ATP1B1: variants seen among roughly 807,000 people sequenced by gnomAD.
ATP1B1 encodes sodium/potassium-transporting ATPase subunit beta-1.
In ATP1B1, 3 loss-of-function variants were observed where a neutral mutation model predicts 39.6. The observed-to-expected ratio is 0.08, with a 90% CI of 0.03 to 0.20. ATP1B1 has a LOEUF of 0.20. ATP1B1 is among the 10% of genes least tolerant of loss of function. The pLI is 1.00. For missense variants in ATP1B1, 216 were observed against 371.1 expected, an observed-to-expected ratio of 0.58 and a Z score of 3.43; for synonymous variants, 139 against 135.0, an observed-to-expected ratio of 1.03 and a Z score of -0.20.
rs1657597314 is a variant in ATP1B1 at position 169,106,695 on chromosome 1, G to A, written c.-135G>A. Reference sequence around the variant, plus strand: ...TCCTCCGCCGCGCGTCTCGCACTCCGAGAGCCGCAGCGGCAGCGGCGCGTC... The same window carrying A: ...TCCTCCGCCGCGCGTCTCGCACTCCAAGAGCCGCAGCGGCAGCGGCGCGTC... On this transcript the variant is annotated 5_prime_UTR_variant, in exon 1 of 6. Coordinates refer to ENST00000367815, the MANE Select transcript of ATP1B1 (RefSeq NM_001677.4). The A allele has an allele frequency of 3.7e-6, 2 of 536,352 alleles. No homozygotes were observed. The highest frequency in any genetic ancestry group is 5.9e-6 in the Non-Finnish European group (2 of 340,746). 33.2% of individuals were successfully genotyped at this position (536,352 alleles called of 1,614,324 possible).
Position 169,132,140 on chromosome 1 carries a change from TCCTGGGGGC to T in ATP1B1, c.*586_*594del. ...TGTTAGGTCTTTATTTTTATTTTTT[TCCTGGGGGC>T]TGGGGTGGGGGTTTGTCATGGGGGA... On this transcript the variant is annotated 3_prime_UTR_variant, in exon 6 of 6. Coordinates refer to ENST00000367815, the MANE Select transcript of ATP1B1 (RefSeq NM_001677.4). 1.7e-6 allele frequency: 1 copy of T among 581,404 alleles called. No individual in the cohort carries two copies. The allele number at this position is 581,404 out of a possible 1,614,324, so 36.0% of individuals were successfully genotyped here. A position where few individuals can be genotyped will look rare whatever the true frequency, so the allele number is the denominator to read the frequency against.
chr1:169,116,189 A>G (rs910687293), intron 2 of ATP1B1, among the ~76,000 whole-genome samples: 2 of 152,224 alleles, frequency 1.3e-5, no homozygotes, highest in Non-Finnish European at 1.5e-5. Context: ...GTAATGGAAA[A>G]GTCTCTTCTT....
chr1:169,116,003 G>A (rs933421168), intron 2 of ATP1B1, among the ~76,000 whole-genome samples: 9 of 152,218 alleles, frequency 5.9e-5, no homozygotes, highest in African/African-American at 1.7e-4. Context: ...GGGGAGAGAC[G>A]CAGCAATTAG....
intron 1 of ATP1B1, among the ~76,000 whole-genome samples, chr1:169,109,074 G>C (rs1657672926): frequency 1.3e-5 from 2 of 152,216 alleles, no homozygotes; most frequent in South Asian, 4.1e-4. Context: ...GGACGCAGGA[G>C]ACTCGCCTGT....
At chr1:169,108,358 A>G (rs1416945644) in intron 1 of ATP1B1, among the ~76,000 whole-genome samples, 1 of 152,118 alleles carries the variant, frequency 6.6e-6, no homozygotes, top group Non-Finnish European at 1.5e-5. Context: ...GGAAAGGAAA[A>G]CCTGAAGAAC....
chr1:169,127,901 A>C (rs977594916), intron 4 of ATP1B1, among the ~76,000 whole-genome samples: 2 of 152,176 alleles, frequency 1.3e-5, no homozygotes, highest in African/African-American at 2.4e-5. Flanking sequence ...TAATCTGAAA[A>C]AATATTTTTT....
In ATP1B1 at chr1:169,131,141, A is replaced by G. The variant is rs1658211017; in HGVS notation, c.649-151A>G. Reference sequence around the variant, plus strand: ...TTGAGAATAGTCTCTTCTTATGACCATTTCTCAAGGCTGCAATGGAATAGA... The same window carrying G: ...TTGAGAATAGTCTCTTCTTATGACCGTTTCTCAAGGCTGCAATGGAATAGA... On this transcript the variant is annotated intron_variant, in intron 5 of 5. Transcript: ENST00000367815. The surrounding 1 kb of genome is among the most constrained non-coding windows in gnomAD (Gnocchi z 4.4). 1.5e-5 allele frequency: 15 copies of G among 1,033,274 alleles called. No individual in the cohort carries two copies. The highest frequency in any genetic ancestry group is 3.2e-5 in the South Asian group (2 of 61,836). 64.0% of individuals were successfully genotyped at this position (1,033,274 alleles called of 1,614,324 possible). A position where few individuals can be genotyped will look rare whatever the true frequency, so the allele number is the denominator to read the frequency against.
At chr1:169,125,997 A>C (rs1295309586) in intron 3 of ATP1B1, among the ~76,000 whole-genome samples, 1 of 152,144 alleles carries the variant, frequency 6.6e-6, no homozygotes. Flanking sequence ...ACAAACAAAC[A>C]AACATAAAAC....
In ATP1B1 at chr1:169,131,792, G is replaced by A. The variant is rs762401742; in HGVS notation, c.*237G>A. ...AAAAAGAAAAATTGAGCCTTGGGAC[G>A]TGCCCATTTTTACTGTAAATTATGA... On this transcript the variant is annotated 3_prime_UTR_variant, in exon 6 of 6. Coordinates refer to ENST00000367815, the MANE Select transcript of ATP1B1 (RefSeq NM_001677.4). The surrounding 1 kb of genome is among the most constrained non-coding windows in gnomAD (Gnocchi z 4.4). 4.4e-5 allele frequency: 23 copies of A among 523,960 alleles called. No individual in the cohort carries two copies. Among genetic ancestry groups the A allele is most frequent in the African/African-American group, 3.1e-4 (16 of 52,230 alleles). The allele number at this position is 523,960 out of a possible 1,614,324, so 32.5% of individuals were successfully genotyped here.
At chr1:169,115,268 C>G (rs1657818501) in intron 2 of ATP1B1, among the ~76,000 whole-genome samples, 1 of 150,428 alleles carries the variant, frequency 6.6e-6, no homozygotes, top group Non-Finnish European at 1.5e-5. Context: ...ATATATAAAG[C>G]AAATAGTACT....
At chr1:169,112,831 T>G (rs1166411782) in intron 2 of ATP1B1, among the ~76,000 whole-genome samples, 3 of 152,176 alleles carry the variant, frequency 2.0e-5, no homozygotes, top group African/African-American at 7.2e-5. Flanking sequence ...CCAGCAACTG[T>G]TTTCCACAAG....
In ATP1B1 at chr1:169,132,133, A is replaced by AT. The variant is rs1364391129; in HGVS notation, c.*585dup. The AT allele has an allele frequency of 1.4e-5, 5 of 362,772 alleles. No homozygotes were observed. The highest frequency in any genetic ancestry group is 1.0e-4 in the Admixed American group (3 of 29,288). The allele number at this position is 362,772 out of a possible 1,614,324, so 22.5% of individuals were successfully genotyped here. A position where few individuals can be genotyped will look rare whatever the true frequency, so the allele number is the denominator to read the frequency against. Reference sequence around the variant, plus strand: ...CCTGTGGTGTTAGGTCTTTATTTTTATTTTTTTCCTGGGGGCTGGGGTGGG... The same window carrying AT: ...CCTGTGGTGTTAGGTCTTTATTTTTATTTTTTTTCCTGGGGGCTGGGGTGGG... On this transcript the variant is annotated 3_prime_UTR_variant, in exon 6 of 6. Coordinates refer to ENST00000367815, the MANE Select transcript of ATP1B1 (RefSeq NM_001677.4).
intron 2 of ATP1B1, among the ~76,000 whole-genome samples, chr1:169,123,637 G>A (rs568096416): frequency 4.1e-5 from 6 of 144,640 alleles, no homozygotes; most frequent in Non-Finnish European, 9.1e-5. Context: ...ATATATATAG[G>A]TTTTTTTTTT....
chr1:169,107,779 G>C (rs1054603688), intron 1 of ATP1B1: 1 of 151,312 alleles, frequency 6.6e-6, no homozygotes, highest in African/African-American at 2.4e-5. Flanking sequence ...TTAAAAAAAA[G>C]GTCATTTTGA....
At chr1:169,120,403 C>G (rs923117651) in intron 2 of ATP1B1, among the ~76,000 whole-genome samples, 1 of 152,124 alleles carries the variant, frequency 6.6e-6, no homozygotes, top group African/African-American at 2.4e-5. Context: ...CCCTCAGACT[C>G]CAGAGGGAAA....
intron 3 of ATP1B1, among the ~76,000 whole-genome samples, chr1:169,126,721 T>G (rs1464867291): frequency 2.0e-5 from 3 of 152,082 alleles, no homozygotes; most frequent in Non-Finnish European, 4.4e-5. Context: ...AAAAAAACCC[T>G]TAAGTGGTGG....
chr1:169,119,570 G>T (rs1466349022), intron 2 of ATP1B1, among the ~76,000 whole-genome samples: 16 of 152,190 alleles, frequency 1.1e-4, no homozygotes, highest in Non-Finnish European at 2.9e-5. Flanking sequence ...GGGAGAAAGC[G>T]TCTGGTCTAG....
chr1:169,118,048 G>C (rs1657888168), intron 2 of ATP1B1, among the ~76,000 whole-genome samples: 1 of 152,134 alleles, frequency 6.6e-6, no homozygotes, highest in South Asian at 2.1e-4. Context: ...TTTTATAAAA[G>C]TGGCACCTTT....
rs544282945 is a variant in ATP1B1, at chr1:169,112,764, A to G, written c.226+1266A>G. 1.2e-4 allele frequency among the ~76,000 whole-genome samples: 18 copies of G among 149,108 alleles called. No homozygotes were observed. The South Asian group carries it at 3.2e-3, about 26-fold the overall frequency. ...TAGAGCTGAGGGATTGGGGAAGTGG[A>G]AAAAAAAAATCACGTAAGTAAATAA... is the stretch of plus-strand genomic sequence containing the variant. On this transcript the variant is annotated intron_variant, in intron 2 of 5. Coordinates refer to ENST00000367815, the MANE Select transcript of ATP1B1 (RefSeq NM_001677.4).
Sources: allele counts gnomAD v4.1 joint callset (sites outside exome capture counted in the v4.1 genomes callset), GRCh38; gene constraint gnomAD v4.1.1; non-coding constraint Gnocchi (gnomAD v3.1); transcripts MANE v1.5; gene names NCBI Gene and HGNC (gene_info 2026-07-23, HGNC 2026-07-21).